Variants in ACAA1 observed in about 807,000 individuals in gnomAD.
ACAA1 encodes 3-ketoacyl-CoA thiolase, peroxisomal.
A neutral mutation model predicts 48.8 loss-of-function variants in ACAA1; 44 were observed. The observed-to-expected ratio is 0.90, with a 90% CI of 0.71 to 1.16. The LOEUF is 1.16. Among genes scored for constraint, ACAA1 ranks in the 50% most tolerant of loss-of-function variants. The probability of loss-of-function intolerance (pLI) is 0.00; values close to 1 mark genes in which losing one functional copy is unlikely to be tolerated. For synonymous variants in ACAA1, 233 were observed against 226.5 expected (o/e 1.03, Z -0.26); for missense variants, 512 against 562.3 (o/e 0.91, Z 0.90).
Position 38,129,238 on chromosome 3 carries a change from C to T in ACAA1, c.545+52G>A, listed in dbSNP as rs937588497. ...CAGAGATGATAAAAGTTCCTTGGCT[C>T]CCTGCCCCAGGCAGAGAGGGCACAA... On this transcript the variant is annotated intron_variant, in intron 6 of 11. Transcript: ENST00000333167. This position sits in a 1 kb window ranked among gnomAD's most constrained non-coding sequence, Gnocchi z 5.3. 3.9e-6 allele frequency: 6 copies of T among 1,536,620 alleles called. No homozygotes were observed. Among genetic ancestry groups the T allele is most frequent in the Non-Finnish European group, 4.5e-6 (5 of 1,114,518 alleles).
At position 38,126,815 on chromosome 3, in the gene ACAA1, G is replaced by A; in HGVS notation, c.627-115C>T. The A allele has an allele frequency of 6.2e-6, 8 of 1,296,940 alleles. 1 individual carries two copies. The South Asian group carries it at 1.1e-4, about 17-fold the overall frequency. 80.3% of individuals were successfully genotyped at this position (1,296,940 alleles called of 1,614,324 possible). A position where few individuals can be genotyped will look rare whatever the true frequency, so the allele number is the denominator to read the frequency against. On this transcript the variant is annotated intron_variant, in intron 7 of 11. Transcript: ENST00000333167. The surrounding 1 kb of genome is among the most constrained non-coding windows in gnomAD (Gnocchi z 4.7). ...CTCAGGCTGCTAAATTCAGGGACATGCTCGACTTTGGGGGAGCTCTGAGGG... is the reference window on the plus strand; with the variant it reads ...CTCAGGCTGCTAAATTCAGGGACATACTCGACTTTGGGGGAGCTCTGAGGG...
At position 38,122,825 on chromosome 3, in the gene ACAA1, T is replaced by C; in HGVS notation, c.*222A>G. ...TGGGTGACCCAGGCTGCTTTTATCT[T>C]GCACAGCTAAAGAGGGTCTGATGGG... On this transcript the variant is annotated 3_prime_UTR_variant, in exon 12 of 12. Coordinates refer to ENST00000333167, the MANE Select transcript of ACAA1 (RefSeq NM_001607.4). The C allele has an allele frequency of 1.2e-6, 1 of 858,074 alleles. No homozygotes were observed. The highest frequency in any genetic ancestry group is 3.0e-5 in the Admixed American group (1 of 33,306). The allele number at this position is 858,074 out of a possible 1,614,324, so 53.2% of individuals were successfully genotyped here.
Position 38,129,267 on chromosome 3 carries a change from C to T in ACAA1, c.545+23G>A. On this transcript the variant is annotated intron_variant, in intron 6 of 11. Transcript: ENST00000333167. This position sits in a 1 kb window ranked among gnomAD's most constrained non-coding sequence, Gnocchi z 5.3. ...GCCCCAGGCAGAGAGGGCACAAGCA[C>T]ACAGAGCTATGGGAGCACTCACCCC... 1 of 1,605,206 alleles carries T rather than the reference C, an allele frequency of 6.2e-7. No homozygotes were observed. Among genetic ancestry groups the T allele is most frequent in the South Asian group, 1.1e-5 (1 of 90,860 alleles).
Position 38,122,765 on chromosome 3 carries a change from G to A in ACAA1, c.*282C>T, listed in dbSNP as rs1421838115. 9.7e-6 allele frequency: 12 copies of A among 1,240,470 alleles called. No individual in the cohort carries two copies. The East Asian group carries it at 3.0e-4, about 31-fold the overall frequency. The allele number at this position is 1,240,470 out of a possible 1,614,324, so 76.8% of individuals were successfully genotyped here. A position where few individuals can be genotyped will look rare whatever the true frequency, so the allele number is the denominator to read the frequency against. ...CATTGCACTTCTCATCCATGGATTTGCCTTGCCTTAAGAATTAACCATGGC... is the reference window on the plus strand; with the variant it reads ...CATTGCACTTCTCATCCATGGATTTACCTTGCCTTAAGAATTAACCATGGC... On this transcript the variant is annotated 3_prime_UTR_variant, in exon 12 of 12. Transcript: ENST00000333167.
At chr3:38,136,571 G>A (rs776491983) in intron 2 of ACAA1, 21 bp downstream of exon 2, 2 of 1,613,462 alleles carry the variant, frequency 1.2e-6, no homozygotes, top group Non-Finnish European at 1.7e-6. Context: ...GCCCAGCGCA[G>A]GGCCTGAGTG....
intron 11 of ACAA1, chr3:38,123,449 A>C: frequency 4.4e-6 from 1 of 227,506 alleles, no homozygotes; most frequent in Non-Finnish European, 8.6e-6. Flanking sequence ...ATCATCCCAA[A>C]TGTTGAAATC....
In ACAA1 at chr3:38,125,572, C is replaced by A; in HGVS notation, c.1192G>T (p.Gly398Trp). Residue 398 changes from glycine to tryptophan, a missense_variant, in exon 11 of 12, where the codon GGG becomes TGG. By Grantham distance (184) the Gly-to-Trp change is radical. Coordinates refer to ENST00000333167, the MANE Select transcript of ACAA1 (RefSeq NM_001607.4). ...CCAGGAGCAAAGCCTTACCTCTTCC[C>A]ACGGCGCTTCAGCTCATTGAGCAGC... ...ITLLNELKRR[G>W]KRAYGVVSMC... The A allele has an allele frequency of 1.9e-6, 3 of 1,552,818 alleles. No individual in the cohort carries two copies. The highest frequency in any genetic ancestry group is 2.6e-6 in the Non-Finnish European group (3 of 1,150,554).
At chr3:38,124,191 G>A (rs1287002815) in intron 11 of ACAA1, 1 of 152,206 alleles carries the variant, frequency 6.6e-6, no homozygotes, top group Non-Finnish European at 1.5e-5. Flanking sequence ...CAGACAAACT[G>A]TATTCATAAA....
intron 5 of ACAA1, among the ~76,000 whole-genome samples, chr3:38,130,022 AGAGC>A: frequency 6.6e-6 from 1 of 152,364 alleles, no homozygotes; most frequent in East Asian, 1.9e-4. Context: ...CCTGGGCGAC[AGAGC>A]GAGACTCTGT....
chr3:38,125,793 G>A (rs184192813), intron 10 of ACAA1, 33 bp downstream of exon 10: 1 of 1,614,168 alleles, frequency 6.2e-7, no homozygotes, highest in African/African-American at 1.3e-5. Flanking sequence ...CGGCTGTCCA[G>A]GGCAAAGGCA....
chr3:38,126,080 C>T lies in ACAA1; in HGVS notation c.997+82G>A. The T allele has an allele frequency of 6.5e-7, 1 of 1,534,790 alleles. No individual in the cohort carries two copies. Among genetic ancestry groups the T allele is most frequent in the Non-Finnish European group, 8.9e-7 (1 of 1,126,282 alleles). On this transcript the variant is annotated intron_variant, in intron 9 of 11. Coordinates refer to ENST00000333167, the MANE Select transcript of ACAA1 (RefSeq NM_001607.4). The surrounding 1 kb of genome is among the most constrained non-coding windows in gnomAD (Gnocchi z 4.7). ...CCACTCTGCAGCACCCACAGGACCA[C>T]CCTCATGCCCCTGGCAACAGCATGC...
chr3:38,125,606 C>T lies in ACAA1; in HGVS notation c.1158G>A (p.Gln386=), dbSNP rs1047432864. The T allele has an allele frequency of 7.5e-6, 12 of 1,591,794 alleles. No individual in the cohort carries two copies. The African/African-American group carries it at 1.3e-4, about 18-fold the overall frequency. The part of the protein sequence containing the change: ...GHPLGCTGAR[Q]VITLLNELKR... ...TCAGCTCATTGAGCAGCGTGATGAC[C>T]TGTCGTGCCCCAGTGCAGCCCAGTG... is the stretch of plus-strand genomic sequence containing the variant. The change falls in exon 11 of 12, where the codon CAG becomes CAA. Residue 386 remains glutamine, a synonymous_variant. Coordinates refer to ENST00000333167, the MANE Select transcript of ACAA1 (RefSeq NM_001607.4).
intron 7 of ACAA1, among the ~76,000 whole-genome samples, chr3:38,127,352 C>T (rs558835144): frequency 3.9e-5 from 6 of 152,246 alleles, no homozygotes; most frequent in Admixed American, 2.6e-4. Context: ...TCTGGACAGC[C>T]GGGACTTGCC....
At chr3:38,132,083 A>G (rs1700801908) in intron 3 of ACAA1, 78 bp from the exon 4 acceptor site, 1 of 1,319,552 alleles carries the variant, frequency 7.6e-7, no homozygotes, top group African/African-American at 1.4e-5. Context: ...CTATGCTTCT[A>G]ACTGCCCCCC....
intron 2 of ACAA1, 90 bp downstream of exon 2, chr3:38,136,502 A>T (rs1270580241): frequency 2.1e-6 from 3 of 1,408,174 alleles, no homozygotes; most frequent in Non-Finnish European, 3.0e-6. Context: ...AGGTTCCCCC[A>T]GTGAAAATTC....
rs932836230 is a variant in ACAA1, at chr3:38,136,901, G to GCGC, written c.132_134dup (p.Arg45dup). ...CGCGGCCCGCCCGGCAGATGGCCGT[G>GCGC]CGCCGCCCGTGCACCACCACCACGT... On this transcript the variant is annotated inframe_insertion, in exon 1 of 12. Transcript: ENST00000333167. The GCGC allele has an allele frequency of 6.5e-7, 1 of 1,533,694 alleles. No individual in the cohort carries two copies. The highest frequency in any genetic ancestry group is 1.4e-5 in the African/African-American group (1 of 71,906).
chr3:38,136,656 T>G lies in ACAA1; in HGVS notation c.201A>C (p.Ala67=). ...KDTTPDELLS[A]VMTAVLKDVN... ...CGTCCTTGAGAACCGCGGTCATGAC[T>G]GCCGAGAGAAGCTCGTCGGGGGTGG... Residue 67 remains alanine, a synonymous_variant, in exon 2 of 12, where the codon GCA becomes GCC. Coordinates refer to ENST00000333167, the MANE Select transcript of ACAA1 (RefSeq NM_001607.4). The G allele has an allele frequency of 6.2e-7, 1 of 1,613,778 alleles. No individual in the cohort carries two copies. The highest frequency in any genetic ancestry group is 8.5e-7 in the Non-Finnish European group (1 of 1,179,858).
intron 1 of ACAA1, 32 bp downstream of exon 1, chr3:38,136,833 C>A: frequency 1.3e-6 from 2 of 1,495,748 alleles, no homozygotes; most frequent in East Asian, 2.5e-5. Flanking sequence ...CGGCGTCTTC[C>A]CACACTCGGC....
chr3:38,130,033 C>T (rs1284676896), intron 5 of ACAA1, among the ~76,000 whole-genome samples: 2 of 152,162 alleles, frequency 1.3e-5, no homozygotes, highest in African/African-American at 4.8e-5. Flanking sequence ...GAGCGAGACT[C>T]TGTCTCAAAA....
Sources: gnomAD v4.1 joint callset for allele counts (sites outside exome capture counted in the v4.1 genomes callset) on GRCh38, gnomAD v4.1.1 for gene constraint, Gnocchi (gnomAD v3.1) non-coding constraint, MANE v1.5 for transcripts, NCBI Gene and HGNC (gene_info 2026-07-23, HGNC 2026-07-21) for gene names.